SEC23IP: variants seen among roughly 807,000 people sequenced by gnomAD.
SEC23IP encodes the protein SEC23-interacting protein.
SEC23IP carries 70 observed loss-of-function variants against 113.4 expected under a neutral mutation model. The observed-to-expected ratio is 0.62, with a 90% CI of 0.51 to 0.75. SEC23IP has a LOEUF of 0.75. Ranked by LOEUF, SEC23IP falls within the 30% of genes least tolerant of loss-of-function variation. The pLI, the probability that SEC23IP is intolerant of heterozygous loss-of-function variation, is 0.00. For missense variants in SEC23IP, 1,160 were observed against 1,204.9 expected, an observed-to-expected ratio of 0.96 and a Z score of 0.55; for synonymous variants, 398 against 421.0, an observed-to-expected ratio of 0.95 and a Z score of 0.67.
intron 18 of SEC23IP, among the ~76,000 whole-genome samples, chr10:119,935,087 G>T (rs988357055): frequency 6.6e-6 from 1 of 152,228 alleles, no homozygotes; most frequent in African/African-American, 2.4e-5. Flanking sequence ...CTGCCTAGAG[G>T]CAGCCAGTGT....
At chr10:119,905,718 C>T (rs144824266) in intron 4 of SEC23IP, among the ~76,000 whole-genome samples, 95 of 152,206 alleles carry the variant, frequency 6.2e-4, no homozygotes, top group African/African-American at 2.1e-3. Flanking sequence ...TTATTGTCTA[C>T]GTGGAAAATC....
intron 2 of SEC23IP, among the ~76,000 whole-genome samples, chr10:119,899,228 C>T (rs533285883): frequency 2.0e-5 from 3 of 152,234 alleles, no homozygotes; most frequent in African/African-American, 4.8e-5. Context: ...TTTTAGAGTA[C>T]GGTAAAAATA....
At chr10:119,927,884 C>T (rs1283262518) in intron 13 of SEC23IP, among the ~76,000 whole-genome samples, 1 of 152,158 alleles carries the variant, frequency 6.6e-6, no homozygotes, top group African/African-American at 2.4e-5. Flanking sequence ...GGTAGCTGGG[C>T]CAAAGGATGG....
At chr10:119,899,941 A>G (rs1589821857) in intron 2 of SEC23IP, among the ~76,000 whole-genome samples, 1 of 152,240 alleles carries the variant, frequency 6.6e-6, no homozygotes. Flanking sequence ...TAATTTGTGC[A>G]TGTGCACACC....
intron 18 of SEC23IP, among the ~76,000 whole-genome samples, chr10:119,937,002 C>T (rs2134541208): frequency 6.6e-6 from 1 of 151,980 alleles, no homozygotes; most frequent in African/African-American, 2.4e-5. Context: ...ATTCTCTTGC[C>T]TTAGCCTCCC....
At chr10:119,906,318 T>G (rs1854664200) in intron 4 of SEC23IP, among the ~76,000 whole-genome samples, 1 of 149,652 alleles carries the variant, frequency 6.7e-6, no homozygotes, top group Non-Finnish European at 1.5e-5. Context: ...GAGCTAAACA[T>G]TATGTTCATG....
intron 12 of SEC23IP, among the ~76,000 whole-genome samples, chr10:119,925,035 C>T (rs1004760947): frequency 2.0e-5 from 3 of 152,170 alleles, no homozygotes; most frequent in Admixed American, 2.0e-4. Flanking sequence ...CCTCAGCCTT[C>T]CAAAGTGCTG....
At chr10:119,935,417 C>T (rs971121754) in intron 18 of SEC23IP, among the ~76,000 whole-genome samples, 1 of 151,880 alleles carries the variant, frequency 6.6e-6, no homozygotes, top group Admixed American at 6.6e-5. Flanking sequence ...GCTGAGATTG[C>T]GCCACTGCAC....
intron 13 of SEC23IP, among the ~76,000 whole-genome samples, chr10:119,929,134 T>C (rs1008340945): frequency 2.0e-5 from 3 of 152,208 alleles, no homozygotes; most frequent in Non-Finnish European, 4.4e-5. Context: ...ATAATAAATA[T>C]AGTAATTCTT....
chr10:119,925,939 T>A (rs767961749), intron 12 of SEC23IP, 97 bp from the exon 13 acceptor site: 42 of 985,510 alleles, frequency 4.3e-5, no homozygotes, highest in Non-Finnish European at 6.1e-5. Context: ...AAGAAGTAGC[T>A]AATCATTCCT....
intron 18 of SEC23IP, among the ~76,000 whole-genome samples, chr10:119,936,846 G>A (rs186554564): frequency 1.4e-3 from 213 of 151,294 alleles, no homozygotes; most frequent in Middle Eastern, 6.8e-3. Flanking sequence ...TGTTTTCTTG[G>A]AGGTACGGGG....
chr10:119,894,144 C>T (rs1458115603), intron 1 of SEC23IP, among the ~76,000 whole-genome samples: 2 of 152,108 alleles, frequency 1.3e-5, no homozygotes, highest in African/African-American at 2.4e-5. Context: ...AAGTATAGTG[C>T]GTGCCAGACA....
chr10:119,928,364 T>C (rs748938511), intron 13 of SEC23IP, among the ~76,000 whole-genome samples: 3 of 152,252 alleles, frequency 2.0e-5, no homozygotes, highest in Non-Finnish European at 2.9e-5. Context: ...TCTTTAACTT[T>C]CTTTTTCTTC....
chr10:119,910,381 A>G (rs941384426), intron 5 of SEC23IP, among the ~76,000 whole-genome samples: 1 of 152,196 alleles, frequency 6.6e-6, no homozygotes, highest in Admixed American at 6.5e-5. Flanking sequence ...ACCTGCAATA[A>G]TGATCTCCCA....
In SEC23IP at chr10:119,900,281, A is replaced by G. The variant is rs61870589; in HGVS notation, c.696+1322A>G. 1.2e-4 allele frequency among the ~76,000 whole-genome samples: 16 copies of G among 137,148 alleles called. No individual in the cohort carries two copies. The South Asian group carries it at 1.8e-3, about 15-fold the overall frequency. 90.0% of individuals were successfully genotyped at this position (137,148 alleles called of 152,430 possible). On this transcript the variant is annotated intron_variant, in intron 2 of 18. Transcript: ENST00000369075. ...TGTATGTATATGTACGTGTGTGTGTATGTGTGTGTGTGTGTGTATATATAT... is the reference window on the plus strand; with the variant it reads ...TGTATGTATATGTACGTGTGTGTGTGTGTGTGTGTGTGTGTGTATATATAT...
chr10:119,893,648 T>C (rs1266619220), intron 1 of SEC23IP, among the ~76,000 whole-genome samples: 1 of 150,958 alleles, frequency 6.6e-6, no homozygotes, highest in East Asian at 2.0e-4. Context: ...GCCTCCCGAG[T>C]AGCTGGGACT....
intron 2 of SEC23IP, among the ~76,000 whole-genome samples, chr10:119,900,046 T>C (rs2475306): frequency 0.72 from 107,446 of 150,130 alleles, 38,551 homozygotes; most frequent in East Asian, 0.82. Flanking sequence ...TCCCTTCCCC[T>C]CATCGTTTTT....
intron 2 of SEC23IP, 27 bp downstream of exon 2, chr10:119,898,986 C>A: frequency 6.7e-7 from 1 of 1,490,080 alleles, no homozygotes; most frequent in Non-Finnish European, 9.0e-7. Context: ...TTGTGTCCTA[C>A]TTATTCACTC....
At chr10:119,931,070 A>G (rs1470437797) in intron 15 of SEC23IP, among the ~76,000 whole-genome samples, 55 of 152,210 alleles carry the variant, frequency 3.6e-4, no homozygotes. Flanking sequence ...CATGCGTTTG[A>G]TAACTCAGAG....
Sources: gnomAD v4.1 joint callset for allele counts (sites outside exome capture counted in the v4.1 genomes callset) on GRCh38, gnomAD v4.1.1 for gene constraint, MANE v1.5 for transcripts, NCBI Gene and HGNC (gene_info 2026-07-23, HGNC 2026-07-21) for gene names.